Variants in RASGRF2 observed in about 807,000 individuals in gnomAD.
The protein encoded by RASGRF2 is ras-specific guanine nucleotide-releasing factor 2.
Under a neutral mutation model 151.0 loss-of-function variants are expected in RASGRF2, and 76 were observed. The observed-to-expected ratio is 0.50, with a 90% CI of 0.42 to 0.61. The LOEUF is 0.61. RASGRF2 is among the 20% of genes least tolerant of loss of function. The pLI is 0.00. For synonymous variants in RASGRF2, 504 were observed against 566.5 expected (o/e 0.89, Z 1.57); for missense variants, 1,148 against 1,564.6 (o/e 0.73, Z 4.49).
At chr5:81,101,696 G>A (rs144027029) in intron 12 of RASGRF2, among the ~76,000 whole-genome samples, 1 of 151,842 alleles carries the variant, frequency 6.6e-6, no homozygotes, top group Non-Finnish European at 1.5e-5. Context: ...TAGATTAAAG[G>A]TTGTGTACCA....
chr5:81,167,387 T>C (rs1024472619), intron 17 of RASGRF2, among the ~76,000 whole-genome samples: 7 of 152,122 alleles, frequency 4.6e-5, no homozygotes, highest in African/African-American at 1.7e-4. Flanking sequence ...GCATCACCAG[T>C]AGGGACACAA....
chr5:80,987,223 A>G (rs1748500497), intron 1 of RASGRF2, among the ~76,000 whole-genome samples: 1 of 152,068 alleles, frequency 6.6e-6, no homozygotes, highest in South Asian at 2.1e-4. Flanking sequence ...TTAAATTCCC[A>G]TTGTTCAGCT....
At chr5:81,114,009 CT>C in intron 15 of RASGRF2, 89 bp downstream of exon 15, 2 of 1,431,336 alleles carry the variant, frequency 1.4e-6, no homozygotes, top group Non-Finnish European at 1.9e-6. Context: ...GGTTCCCTTT[CT>C]TTACAACTGT....
chr5:81,174,312 C>A (rs1259712723), intron 17 of RASGRF2, among the ~76,000 whole-genome samples: 1 of 152,130 alleles, frequency 6.6e-6, no homozygotes, highest in African/African-American at 2.4e-5. Context: ...ATGGACATGT[C>A]TAATAGGAAG....
At chr5:80,995,234 C>T (rs1447761021) in intron 1 of RASGRF2, among the ~76,000 whole-genome samples, 1 of 133,360 alleles carries the variant, frequency 7.5e-6, no homozygotes, top group Non-Finnish European at 1.5e-5. Flanking sequence ...CCAGCCTGGG[C>T]GATAGAGCCA....
At chr5:81,018,517 A>G (rs796418904) in intron 1 of RASGRF2, among the ~76,000 whole-genome samples, 10 of 152,290 alleles carry the variant, frequency 6.6e-5, no homozygotes, top group African/African-American at 2.4e-4. Context: ...TGAGTGTTAA[A>G]GACAGCTCAC....
chr5:81,043,111 G>A (rs1483386906), intron 2 of RASGRF2, 128 bp downstream of exon 2: 1 of 624,824 alleles, frequency 1.6e-6, no homozygotes, highest in African/African-American at 1.8e-5. Flanking sequence ...CTATTCCTTA[G>A]TCATGTGTGA....
At chr5:80,964,161 G>A (rs1003741552) in intron 1 of RASGRF2, among the ~76,000 whole-genome samples, 1 of 152,078 alleles carries the variant, frequency 6.6e-6, no homozygotes, top group Non-Finnish European at 1.5e-5. Context: ...AGGATTGCAA[G>A]GCTCTCTTAT....
chr5:80,999,624 G>A (rs1461183704), intron 1 of RASGRF2, among the ~76,000 whole-genome samples: 1 of 152,162 alleles, frequency 6.6e-6, no homozygotes, highest in Non-Finnish European at 1.5e-5. Context: ...CTCCCAGAGT[G>A]TTGGGATTAC....
chr5:81,160,682 AAATAATAATAATAAT>A (rs531513005), intron 17 of RASGRF2, among the ~76,000 whole-genome samples: 12 of 138,482 alleles, frequency 8.7e-5, no homozygotes, highest in Middle Eastern at 3.7e-3. Flanking sequence ...TCTGTCTCAA[AAATAATAATAATAAT>A]AATAATAATA....
At chr5:81,196,643 C>A (rs1755272280) in intron 18 of RASGRF2, among the ~76,000 whole-genome samples, 1 of 150,748 alleles carries the variant, frequency 6.6e-6, no homozygotes, top group African/African-American at 2.5e-5. Context: ...CCGTTGAGCC[C>A]AGTATGGGGC....
rs148335214 is a variant in RASGRF2 at position 81,152,068 on chromosome 5, C to A, written c.2686+24905C>A. Among the ~76,000 whole-genome samples, 562 of 152,208 alleles carry A rather than the reference C, an allele frequency of 3.7e-3. 4 individuals are homozygous for A. Among genetic ancestry groups the A allele is most frequent in the African/African-American group, 0.013 (546 of 41,524 alleles). On this transcript the variant is annotated intron_variant, in intron 17 of 26. Coordinates refer to ENST00000265080, the MANE Select transcript of RASGRF2 (RefSeq NM_006909.3). ...CCAGGCTGGAGTGCAGTGGCACGATCTCGGCTCACTGCAACCTCCGCCTCC... is the reference window on the plus strand; with the variant it reads ...CCAGGCTGGAGTGCAGTGGCACGATATCGGCTCACTGCAACCTCCGCCTCC...
intron 17 of RASGRF2, among the ~76,000 whole-genome samples, chr5:81,163,158 G>A (rs1374396664): frequency 6.6e-6 from 1 of 152,134 alleles, no homozygotes; most frequent in African/African-American, 2.4e-5. Context: ...CCCTATGGCA[G>A]GAGAGTCCTA....
chr5:81,217,571 CT>C (rs1561265129), intron 25 of RASGRF2, 98 bp downstream of exon 25: 3,791 of 360,728 alleles, frequency 0.011, 100 homozygotes, highest in Middle Eastern at 0.021. Flanking sequence ...TTTTTTTTCT[CT>C]TCTTTTTTTT....
At chr5:81,055,599 T>C (rs888217190) in intron 2 of RASGRF2, among the ~76,000 whole-genome samples, 2 of 152,038 alleles carry the variant, frequency 1.3e-5, no homozygotes, top group African/African-American at 4.8e-5. Context: ...CTTTTTTGTG[T>C]GTGTGTCTCT....
intron 17 of RASGRF2, among the ~76,000 whole-genome samples, chr5:81,160,627 G>A (rs375322398): frequency 4.0e-5 from 6 of 150,682 alleles, no homozygotes; most frequent in South Asian, 2.1e-4. Context: ...AGCCAAGATC[G>A]CGCCACTGCA....
intron 5 of RASGRF2, among the ~76,000 whole-genome samples, chr5:81,075,666 G>A (rs1751916936): frequency 6.6e-6 from 1 of 152,228 alleles, no homozygotes; most frequent in South Asian, 2.1e-4. Flanking sequence ...AAATGGTAAA[G>A]ATTGAGTGAA....
chr5:80,991,940 C>G (rs1473295845), intron 1 of RASGRF2, among the ~76,000 whole-genome samples: 2 of 152,120 alleles, frequency 1.3e-5, no homozygotes, highest in Non-Finnish European at 2.9e-5. Flanking sequence ...TGTAGGGAGA[C>G]TGCATGGACA....
chr5:81,109,172 T>G, intron 13 of RASGRF2, 94 bp downstream of exon 13: 1 of 1,464,242 alleles, frequency 6.8e-7, no homozygotes, highest in Non-Finnish European at 9.1e-7. Flanking sequence ...AATAGAATTC[T>G]GCTTCTTGTT....
Sources: gnomAD v4.1 joint callset for allele counts (sites outside exome capture counted in the v4.1 genomes callset) on GRCh38, gnomAD v4.1.1 for gene constraint, MANE v1.5 for transcripts, NCBI Gene and HGNC (gene_info 2026-07-23, HGNC 2026-07-21) for gene names.